ATCAY: variants seen among roughly 807,000 people sequenced by gnomAD.
ATCAY encodes ATCAY kinesin light chain interacting caytaxin, also known as caytaxin.
In ATCAY, 22 loss-of-function variants were observed where a neutral mutation model predicts 47.7. The ratio of observed to expected loss-of-function variants is 0.46; its 90% confidence interval spans 0.33 to 0.66. The LOEUF (loss-of-function observed/expected upper bound fraction) is 0.66, where lower values mean the gene tolerates loss of function less well. Ranked by LOEUF, ATCAY falls within the 30% of genes least tolerant of loss-of-function variation. The pLI, the probability that ATCAY is intolerant of heterozygous loss-of-function variation, is 0.02. For missense variants in ATCAY, 452 were observed against 515.0 expected (o/e 0.88, Z 1.18); for synonymous variants, 216 against 207.6 (o/e 1.04, Z -0.35).
chr19:3,924,487 G>T, intron 12 of ATCAY, 96 bp from the exon 13 acceptor site: 1 of 1,461,652 alleles, frequency 6.8e-7, no homozygotes, highest in South Asian at 1.2e-5. Flanking sequence ...ACCCACGCTG[G>T]GTGGGATCAT....
chr19:3,883,487 C>T (rs183923565), intron 1 of ATCAY, among the ~76,000 whole-genome samples: 1 of 152,316 alleles, frequency 6.6e-6, no homozygotes, highest in Non-Finnish European at 1.5e-5. Flanking sequence ...CACGGGAATG[C>T]ACACAGAAAT....
chr19:3,894,859 G>A (rs921371689), intron 2 of ATCAY, among the ~76,000 whole-genome samples: 1 of 149,494 alleles, frequency 6.7e-6, no homozygotes, highest in South Asian at 2.1e-4. Flanking sequence ...TGAGACAGGA[G>A]GATCCCTTGA....
intron 2 of ATCAY, among the ~76,000 whole-genome samples, chr19:3,894,647 CTG>C (rs2038750733): frequency 8.9e-6 from 1 of 112,936 alleles, no homozygotes; most frequent in Non-Finnish European, 1.9e-5. Flanking sequence ...AAAAAAAAAA[CTG>C]TAAAAACCTG....
At chr19:3,917,584 C>CA (rs71166940) in intron 9 of ATCAY, among the ~76,000 whole-genome samples, 158 bp from the exon 10 acceptor site, 812 of 40,804 alleles carry the variant, frequency 0.02, 49 homozygotes, top group Middle Eastern at 0.045. Flanking sequence ...GACTCCATCT[C>CA]AAAAAAAAAA....
intron 1 of ATCAY, 109 bp from the exon 2 acceptor site, chr19:3,885,618 G>GGGAGGGGGAGAC: frequency 1.6e-6 from 1 of 608,708 alleles, no homozygotes. Context: ...GAGGGGAAGG[G>GGGAGGGGGAGAC]GGAGGGGGAG....
At chr19:3,895,019 C>T (rs1002352654) in intron 2 of ATCAY, 271 of 272,684 alleles carry the variant, frequency 9.9e-4, no homozygotes, top group South Asian at 2.3e-3. Context: ...AGATTTTTTT[C>T]TCTCTCTCTC....
chr19:3,895,749 C>G (rs2038764654), intron 2 of ATCAY, among the ~76,000 whole-genome samples: 1 of 127,894 alleles, frequency 7.8e-6, no homozygotes, highest in Non-Finnish European at 1.6e-5. Flanking sequence ...GACTCTTGCT[C>G]TGTTGCTCAG....
intron 7 of ATCAY, 22 bp downstream of exon 7, chr19:3,909,639 A>G: frequency 6.4e-7 from 1 of 1,561,474 alleles, no homozygotes; most frequent in Non-Finnish European, 8.7e-7. Context: ...ATGCCTCAGG[A>G]AGCACAGTGG....
intron 3 of ATCAY, among the ~76,000 whole-genome samples, chr19:3,903,982 CAAAAAAAAAAA>C (rs59631453): frequency 1.3e-5 from 1 of 79,062 alleles, no homozygotes; most frequent in Non-Finnish European, 3.1e-5. Context: ...ACTAAAGATA[CAAAAAAAAAAA>C]AAAAAAAAAA....
intron 2 of ATCAY, among the ~76,000 whole-genome samples, chr19:3,888,979 G>C (rs1033821230): frequency 6.6e-6 from 1 of 152,144 alleles, no homozygotes; most frequent in African/African-American, 2.4e-5. Flanking sequence ...CCGAGAATCA[G>C]AGAATCACGG....
rs11309346 is a variant in ATCAY, at chr19:3,907,148, GA to G, written c.359-575del. On this transcript the variant is annotated intron_variant, in intron 4 of 12. Transcript: ENST00000450849. This position sits in a 1 kb window ranked among gnomAD's most constrained non-coding sequence, Gnocchi z 5.1. ...GACTCTCTCAAAAAAAAAAAAGAAA[GA>G]AAAAAAAAAATTAAGGACAATGTAG... 0.1 allele frequency among the ~76,000 whole-genome samples: 14,727 copies of G among 143,588 alleles called. 803 individuals carry two copies. The highest frequency in any genetic ancestry group is 0.12 in the African/African-American group (4,465 of 38,820). 94.2% of individuals were successfully genotyped at this position (143,588 alleles called of 152,430 possible).
intron 8 of ATCAY, among the ~76,000 whole-genome samples, chr19:3,911,353 G>A (rs1038556439): frequency 6.6e-6 from 1 of 151,784 alleles, no homozygotes; most frequent in Non-Finnish European, 1.5e-5. Context: ...ATGACAGAGT[G>A]AGACCCTGTC....
At chr19:3,913,965 G>A (rs901604993) in intron 9 of ATCAY, 109 bp downstream of exon 9, 17 of 924,454 alleles carry the variant, frequency 1.8e-5, no homozygotes, top group Admixed American at 1.5e-4. Flanking sequence ...GGCCGGGCGC[G>A]GTGGCTCCTG....
At chr19:3,916,652 C>T (rs2038968632) in intron 9 of ATCAY, among the ~76,000 whole-genome samples, 1 of 152,048 alleles carries the variant, frequency 6.6e-6, no homozygotes, top group South Asian at 2.1e-4. Context: ...CACCACCACA[C>T]CCAGATAATT....
At chr19:3,922,355 C>A (rs534181750) in intron 12 of ATCAY, 264 of 619,988 alleles carry the variant, frequency 4.3e-4, no homozygotes, top group Middle Eastern at 4.3e-4. Flanking sequence ...ATAATCCTGG[C>A]GGAAGCCACC....
At chr19:3,919,559 T>C (rs1334583132) in intron 11 of ATCAY, among the ~76,000 whole-genome samples, 1 of 152,010 alleles carries the variant, frequency 6.6e-6, no homozygotes, top group Admixed American at 6.6e-5. Context: ...ACCACTGCAC[T>C]CCAGCCTGGC....
chr19:3,920,004 C>G (rs1406625016), intron 11 of ATCAY, among the ~76,000 whole-genome samples: 1 of 152,184 alleles, frequency 6.6e-6, no homozygotes, highest in East Asian at 1.9e-4. Context: ...GTACCAGATA[C>G]AGCAGTGTCG....
chr19:3,904,635 TAC>T (rs58093726), intron 3 of ATCAY, among the ~76,000 whole-genome samples: 23,955 of 148,856 alleles, frequency 0.16, 4,578 homozygotes, highest in African/African-American at 0.46. Flanking sequence ...AAAATATGTA[TAC>T]ACACACACAC....
intron 8 of ATCAY, 144 bp from the exon 9 acceptor site, chr19:3,913,614 G>A (rs180939466): frequency 1.4e-5 from 9 of 630,916 alleles, no homozygotes; most frequent in African/African-American, 9.1e-5. Flanking sequence ...GTCATCGGGC[G>A]GGAGGGAGGT....
Sources: allele counts gnomAD v4.1 joint callset (sites outside exome capture counted in the v4.1 genomes callset), GRCh38; gene constraint gnomAD v4.1.1; non-coding constraint Gnocchi (gnomAD v3.1); transcripts MANE v1.5; gene names NCBI Gene and HGNC (gene_info 2026-07-23, HGNC 2026-07-21).